Variants in PTER observed in about 807,000 individuals in gnomAD.
PTER encodes the protein N-acetyltaurine hydrolase.
PTER carries 38 observed loss-of-function variants against 29.6 expected under a neutral mutation model. The observed-to-expected ratio is 1.28, with a 90% CI of 0.99 to 1.68. PTER has a LOEUF of 1.68. PTER is among the 40% of genes most tolerant of loss of function. The probability of loss-of-function intolerance (pLI) is 0.00; values close to 1 mark genes in which losing one functional copy is unlikely to be tolerated. For synonymous variants in PTER, 172 were observed against 154.5 expected, an observed-to-expected ratio of 1.11 and a Z score of -0.84; for missense variants, 482 against 427.8, an observed-to-expected ratio of 1.13 and a Z score of -1.12.
intron 3 of PTER, among the ~76,000 whole-genome samples, chr10:16,495,525 T>G (rs148138245): frequency 5.5e-4 from 84 of 152,350 alleles, no homozygotes; most frequent in African/African-American, 1.9e-3. Context: ...AATTCAACAA[T>G]TTTTTCAATA....
intron 3 of PTER, among the ~76,000 whole-genome samples, chr10:16,493,232 C>G (rs772144938): frequency 6.6e-6 from 1 of 152,052 alleles, no homozygotes; most frequent in Non-Finnish European, 1.5e-5. Context: ...TCTGAATATT[C>G]GTGAATTAAC....
At chr10:16,450,100 A>T (rs1834151890) in intron 1 of PTER, among the ~76,000 whole-genome samples, 1 of 152,164 alleles carries the variant, frequency 6.6e-6, no homozygotes. Flanking sequence ...TGTTCTCCAG[A>T]TTTCTGCCTA....
intron 2 of PTER, among the ~76,000 whole-genome samples, chr10:16,485,052 A>C (rs1835642652): frequency 6.6e-6 from 1 of 152,236 alleles, no homozygotes; most frequent in African/African-American, 2.4e-5. Context: ...GTGTCAAGGA[A>C]AGAGATCTTA....
rs1564414425 is a variant in PTER, at chr10:16,511,555, T to A, written c.*299T>A. The A allele has an allele frequency of 3.2e-6, 1 of 317,436 alleles. No homozygotes were observed. Among genetic ancestry groups the A allele is most frequent in the Non-Finnish European group, 5.9e-6 (1 of 170,310 alleles). The allele number at this position is 317,436 out of a possible 1,614,324, so 19.7% of individuals were successfully genotyped here. ...TAAGCGGAGTTGTTGTTTTTCTCCC[T>A]AATCTATCAGCTGCACTACTTGAGA... On this transcript the variant is annotated 3_prime_UTR_variant, in exon 5 of 5. Transcript: ENST00000535784.
rs1009717390 is a variant in PTER, at chr10:16,481,594, G to C, written c.-48-2743G>C. 2.6e-5 allele frequency among the ~76,000 whole-genome samples: 4 copies of C among 152,202 alleles called. No homozygotes were observed. The South Asian group carries it at 8.3e-4, about 31-fold the overall frequency. ...GTGTGATCATAGGAAGTGCCAGCCA[G>C]TTCTGCCTGAGAGCATTAGAGGAAT... On this transcript the variant is annotated intron_variant, in intron 1 of 4. Coordinates refer to ENST00000535784, the MANE Select transcript of PTER (RefSeq NM_001261836.2).
At position 16,480,193 on chromosome 10, in the gene PTER, AT is replaced by A. The variant is rs60746148; in HGVS notation, c.-48-4130del. ...CTCAGTTTTGTAATTTGACTATAGC[AT>A]TTTTTTTTTTTTTGAGATAGAGTCT... On this transcript the variant is annotated intron_variant, in intron 1 of 4. Coordinates refer to ENST00000535784, the MANE Select transcript of PTER (RefSeq NM_001261836.2). Among the ~76,000 whole-genome samples the A allele has an allele frequency of 7.8e-3, 1,068 of 136,960 alleles. 9 individuals carry two copies. The highest frequency in any genetic ancestry group is 0.018 in the African/African-American group (650 of 36,460). 89.9% of individuals were successfully genotyped at this position (136,960 alleles called of 152,430 possible). A position where few individuals can be genotyped will look rare whatever the true frequency, so the allele number is the denominator to read the frequency against.
intron 1 of PTER, among the ~76,000 whole-genome samples, chr10:16,473,519 G>GA (rs72001271): frequency 0.032 from 904 of 28,158 alleles, 181 homozygotes; most frequent in African/African-American, 0.035. Context: ...GACTCCATCC[G>GA]AAAAAAAAAA....
chr10:16,486,304 G>T, intron 2 of PTER, 48 bp from the exon 3 acceptor site: 1 of 1,514,762 alleles, frequency 6.6e-7, no homozygotes, highest in East Asian at 2.3e-5. Context: ...GATCTATTTT[G>T]ATAAATTTCA....
At position 16,487,836 on chromosome 10, in the gene PTER, A is replaced by G. The variant is rs1588618542; in HGVS notation, c.698+1219A>G. 3.3e-5 allele frequency among the ~76,000 whole-genome samples: 5 copies of G among 152,304 alleles called. No individual in the cohort carries two copies. The South Asian group carries it at 1.0e-3, about 32-fold the overall frequency. ...TAAAGCCATATTAACATATTGATAA[A>G]TCCTGATTATCAGACCAGACAGATT... On this transcript the variant is annotated intron_variant, in intron 3 of 4. Transcript: ENST00000535784.
intron 1 of PTER, among the ~76,000 whole-genome samples, chr10:16,476,998 C>T (rs572566691): frequency 6.6e-6 from 1 of 150,668 alleles, no homozygotes; most frequent in African/African-American, 2.4e-5. Flanking sequence ...CTCTGGCTTC[C>T]AGGCTCAAGC....
intron 4 of PTER, among the ~76,000 whole-genome samples, chr10:16,505,522 A>G (rs1181745292): frequency 1.3e-5 from 2 of 152,228 alleles, no homozygotes; most frequent in African/African-American, 4.8e-5. Flanking sequence ...ACCACACTAA[A>G]GCCATAACTT....
chr10:16,466,307 T>C (rs1213108192), intron 1 of PTER, among the ~76,000 whole-genome samples: 7 of 151,982 alleles, frequency 4.6e-5, no homozygotes, highest in Admixed American at 1.3e-4. Flanking sequence ...TACCTTTTTT[T>C]TTTTTTTACA....
At chr10:16,443,040 C>T (rs1168697846) in intron 1 of PTER, among the ~76,000 whole-genome samples, 3 of 152,080 alleles carry the variant, frequency 2.0e-5, no homozygotes, top group Non-Finnish European at 4.4e-5. Flanking sequence ...ATTTCTGTAG[C>T]TTAGATTAGA....
intron 1 of PTER, among the ~76,000 whole-genome samples, chr10:16,469,336 A>G (rs1235515842): frequency 6.6e-6 from 1 of 152,170 alleles, no homozygotes; most frequent in Non-Finnish European, 1.5e-5. Context: ...TTGTTTTTTA[A>G]GATTAGAAGA....
chr10:16,483,778 G>A (rs755412681), intron 1 of PTER, among the ~76,000 whole-genome samples: 14 of 152,108 alleles, frequency 9.2e-5, no homozygotes, highest in African/African-American at 9.7e-5. Context: ...CCCAGGAGGC[G>A]GAGGCGGAAG....
chr10:16,518,504 C>A (rs1836987479), downstream of PTER, among the ~76,000 whole-genome samples: 1 of 152,148 alleles, frequency 6.6e-6, no homozygotes, highest in Non-Finnish European at 1.5e-5. Context: ...AGATTTTACA[C>A]CCCAAACAGT....
At chr10:16,470,629 G>A (rs1259591970) in intron 1 of PTER, among the ~76,000 whole-genome samples, 1 of 152,154 alleles carries the variant, frequency 6.6e-6, no homozygotes, top group Non-Finnish European at 1.5e-5. Flanking sequence ...TTAGCTGGGT[G>A]TGGTGGCGGG....
chr10:16,445,242 G>A (rs956349639), intron 1 of PTER, among the ~76,000 whole-genome samples: 7 of 152,084 alleles, frequency 4.6e-5, no homozygotes, highest in East Asian at 1.9e-4. Context: ...ACTACCAATC[G>A]CTCTGTAGAA....
At chr10:16,510,962 A>T in intron 4 of PTER, 84 bp from the exon 5 acceptor site, 1 of 1,116,252 alleles carries the variant, frequency 9.0e-7, no homozygotes, top group African/African-American at 1.5e-5. Flanking sequence ...CAAGCACAAT[A>T]GGTTAATGAG....
Sources: allele counts gnomAD v4.1 joint callset (sites outside exome capture counted in the v4.1 genomes callset), GRCh38; gene constraint gnomAD v4.1.1; transcripts MANE v1.5; gene names NCBI Gene and HGNC (gene_info 2026-07-23, HGNC 2026-07-21).